ARMC2: variants seen among roughly 807,000 people sequenced by gnomAD.
The protein encoded by ARMC2 is armadillo repeat containing 2.
Under a neutral mutation model 90.3 loss-of-function variants are expected in ARMC2, and 67 were observed. The observed-to-expected ratio is 0.74, with a 90% confidence interval of 0.61 to 0.91. The LOEUF is 0.91. ARMC2 is among the 40% of genes least tolerant of loss of function. The pLI, the probability that ARMC2 is intolerant of heterozygous loss-of-function variation, is 0.00. For missense variants in ARMC2, 920 were observed against 1,030.9 expected, an observed-to-expected ratio of 0.89 and a Z score of 1.47; for synonymous variants, 393 against 393.0, an observed-to-expected ratio of 1.00 and a Z score of 0.00.
In ARMC2 at chr6:108,929,958, C is replaced by T. The variant is rs148070148; in HGVS notation, c.1496+1725C>T. ...TCCCATCTCTAGCGCTGCCCCCCAC[C>T]CCCAACCCCTGCCAAAAAATTAGCC... On this transcript the variant is annotated intron_variant, in intron 11 of 17. Transcript: ENST00000392644. Among the ~76,000 whole-genome samples the T allele has an allele frequency of 3.1e-3, 475 of 151,896 alleles. 1 individual carries two copies. Among genetic ancestry groups the T allele is most frequent in the South Asian group, 0.016 (78 of 4,800 alleles).
Position 108,973,340 on chromosome 6 carries a change from A to G in ARMC2, c.2447-17A>G, listed in dbSNP as rs778520825. 1.3e-6 allele frequency: 2 copies of G among 1,592,176 alleles called. No individual in the cohort carries two copies. Among genetic ancestry groups the G allele is most frequent in the Admixed American group, 1.8e-5 (1 of 56,200 alleles). On this transcript the variant is annotated splice_polypyrimidine_tract_variant and intron_variant, in intron 17 of 17. Coordinates refer to ENST00000392644, the MANE Select transcript of ARMC2 (RefSeq NM_032131.6). Reference sequence around the variant, plus strand: ...ACATTTCTAAATAATGCTGTAATTTAAATTTTTCTAATACAGATGAAGAAC... The same window carrying G: ...ACATTTCTAAATAATGCTGTAATTTGAATTTTTCTAATACAGATGAAGAAC...
intron 12 of ARMC2, among the ~76,000 whole-genome samples, chr6:108,946,182 AT>A (rs1412571636): frequency 1.3e-5 from 2 of 152,164 alleles, no homozygotes; most frequent in African/African-American, 4.8e-5. Flanking sequence ...CAAATGCCTG[AT>A]TTATGTCTGC....
At chr6:108,870,994 A>T (rs564306253) in intron 4 of ARMC2, among the ~76,000 whole-genome samples, 1 of 152,366 alleles carries the variant, frequency 6.6e-6, no homozygotes, top group South Asian at 2.1e-4. Context: ...GCTTTAGCTC[A>T]GGTGGCTCTG....
intron 11 of ARMC2, 133 bp downstream of exon 11, chr6:108,928,366 A>T: frequency 1.1e-6 from 1 of 926,610 alleles, no homozygotes. Context: ...AGAAAGGGTA[A>T]ATCTAGTGGC....
At chr6:109,016,943 ACT>A in the ARMC2 span, among the ~76,000 whole-genome samples, 1 of 152,004 alleles carries the variant, frequency 6.6e-6, no homozygotes, top group Non-Finnish European at 1.5e-5. Context: ...AGAGGGTAAC[ACT>A]CTTAATTTGT....
At chr6:108,931,194 G>A (rs911881585) in intron 11 of ARMC2, among the ~76,000 whole-genome samples, 5 of 151,630 alleles carry the variant, frequency 3.3e-5, no homozygotes, top group African/African-American at 9.7e-5. Flanking sequence ...ATTTTCCTGC[G>A]CTAGTTTGCT....
chr6:108,868,234 C>T lies in ARMC2; in HGVS notation c.292-590C>T, dbSNP rs1264765720. Among the ~76,000 whole-genome samples the T allele has an allele frequency of 2.4e-4, 14 of 58,258 alleles. 1 individual carries two copies. Among genetic ancestry groups the T allele is most frequent in the Admixed American group, 1.1e-3 (5 of 4,680 alleles). 38.2% of individuals were successfully genotyped at this position (58,258 alleles called of 152,430 possible). A position where few individuals can be genotyped will look rare whatever the true frequency, so the allele number is the denominator to read the frequency against. On this transcript the variant is annotated intron_variant, in intron 3 of 17. Coordinates refer to ENST00000392644, the MANE Select transcript of ARMC2 (RefSeq NM_032131.6). ...CTTTTTTTATTTGGGGGTGGGGGGG[C>T]GGGATGGAGTCTTGCTCTGTCACCC...
chr6:108,987,679 A>T, the ARMC2 span: 1 of 1,036,522 alleles, frequency 9.6e-7, no homozygotes. Flanking sequence ...AAGCATTCAC[A>T]ATCAGTTTTT....
chr6:108,931,469 T>A (rs967132316), intron 11 of ARMC2, among the ~76,000 whole-genome samples: 3 of 151,938 alleles, frequency 2.0e-5, no homozygotes, highest in Non-Finnish European at 2.9e-5. Context: ...AAATGGTAGT[T>A]CTGCTTTTAG....
intron 3 of ARMC2, among the ~76,000 whole-genome samples, chr6:108,864,634 T>A (rs549737300): frequency 6.6e-6 from 1 of 152,148 alleles, no homozygotes; most frequent in African/African-American, 2.4e-5. Context: ...TTCTGCTGCT[T>A]TACAGATTAA....
downstream of ARMC2, among the ~76,000 whole-genome samples, chr6:108,979,237 C>T (rs1334221460): frequency 6.6e-5 from 10 of 152,178 alleles, no homozygotes; most frequent in Admixed American, 6.5e-4. Flanking sequence ...GATTTTATTT[C>T]TCCTTCACCT....
chr6:108,904,107 T>C, intron 7 of ARMC2, 123 bp from the exon 8 acceptor site: 2 of 1,150,626 alleles, frequency 1.7e-6, no homozygotes, highest in East Asian at 2.4e-5. Context: ...AAAATAGAGG[T>C]CAGGAATTTG....
chr6:108,965,940 A>G (rs1017566088), intron 17 of ARMC2, among the ~76,000 whole-genome samples: 5 of 151,332 alleles, frequency 3.3e-5, no homozygotes, highest in Non-Finnish European at 7.4e-5. Flanking sequence ...GGTGTGAACC[A>G]CCTTGCCTGG....
intron 4 of ARMC2, among the ~76,000 whole-genome samples, chr6:108,871,514 G>A (rs1413986786): frequency 1.3e-5 from 2 of 152,180 alleles, no homozygotes; most frequent in Admixed American, 6.5e-5. Flanking sequence ...GAACAGGATG[G>A]CAGGATTGGT....
At chr6:109,011,619 T>A in the ARMC2 span, among the ~76,000 whole-genome samples, 6 of 151,224 alleles carry the variant, frequency 4.0e-5, no homozygotes, top group East Asian at 1.9e-4. Flanking sequence ...AATGTATTTT[T>A]AAAATTTTTT....
downstream of ARMC2, among the ~76,000 whole-genome samples, chr6:108,975,473 C>T (rs903015470): frequency 1.3e-5 from 2 of 152,178 alleles, no homozygotes; most frequent in African/African-American, 4.8e-5. Flanking sequence ...CATACATGTG[C>T]ATGTGTCTTT....
At chr6:108,996,139 A>G in the ARMC2 span, among the ~76,000 whole-genome samples, 1 of 152,262 alleles carries the variant, frequency 6.6e-6, no homozygotes, top group Non-Finnish European at 1.5e-5. Flanking sequence ...CAAGCCTAGC[A>G]TAGTACCTGG....
intron 17 of ARMC2, among the ~76,000 whole-genome samples, chr6:108,972,532 T>C (rs1275707432): frequency 6.6e-6 from 1 of 152,232 alleles, no homozygotes. Flanking sequence ...AAGTAATTAA[T>C]TTTTCTATGT....
chr6:108,890,660 G>A (rs1201427663), intron 5 of ARMC2, among the ~76,000 whole-genome samples: 1 of 152,188 alleles, frequency 6.6e-6, no homozygotes, highest in East Asian at 1.9e-4. Context: ...AACTCAGGCA[G>A]CTTGGCTTCA....
Sources: allele counts gnomAD v4.1 joint callset (sites outside exome capture counted in the v4.1 genomes callset), GRCh38; gene constraint gnomAD v4.1.1; transcripts MANE v1.5; gene names NCBI Gene and HGNC (gene_info 2026-07-23, HGNC 2026-07-21).